CELF2: variants seen among roughly 807,000 people sequenced by gnomAD.
CELF2 encodes the protein CUG triplet repeat RNA-binding protein 2.
A neutral mutation model predicts 62.6 loss-of-function variants in CELF2; 8 were observed. The observed-to-expected ratio is 0.13, with a 90% CI of 0.07 to 0.23. The LOEUF is 0.23. Among genes scored for constraint, CELF2 ranks in the 10% least tolerant of loss-of-function variants. CELF2 has a pLI of 1.00. For synonymous variants in CELF2, 258 were observed against 250.0 expected (o/e 1.03, Z -0.30); for missense variants, 333 against 671.0 (o/e 0.50, Z 5.56).
chr10:10,773,944 A>G, the CELF2 span, among the ~76,000 whole-genome samples: 1 of 152,170 alleles, frequency 6.6e-6, no homozygotes. Flanking sequence ...CAGGTTCATC[A>G]TTATCCTCCC....
At chr10:11,198,008 A>G (rs531327536) in intron 2 of CELF2, among the ~76,000 whole-genome samples, 3 of 152,360 alleles carry the variant, frequency 2.0e-5, no homozygotes, top group East Asian at 1.9e-4. Flanking sequence ...ACCAGACCCC[A>G]TATAACTGTG....
intron 2 of CELF2, among the ~76,000 whole-genome samples, chr10:11,215,360 GTTGT>G (rs2063053790): frequency 6.6e-6 from 1 of 152,162 alleles, no homozygotes; most frequent in African/African-American, 2.4e-5. Context: ...TTATCTTAGC[GTTGT>G]TTAATTCTCT....
At chr10:10,859,166 T>A (rs1397070423) in intron 1 of CELF2, among the ~76,000 whole-genome samples, 1 of 152,184 alleles carries the variant, frequency 6.6e-6, no homozygotes, top group Admixed American at 6.5e-5. Context: ...GCTAATGATG[T>A]AATTGTAAAA....
Position 11,314,045 on chromosome 10 carries a change from T to C in CELF2, c.977-94T>C. 12 of 1,300,926 alleles carry C rather than the reference T, an allele frequency of 9.2e-6. No homozygotes were observed. The highest frequency in any genetic ancestry group is 1.2e-5 in the Non-Finnish European group (11 of 923,972). The allele number at this position is 1,300,926 out of a possible 1,614,324, so 80.6% of individuals were successfully genotyped here. On this transcript the variant is annotated intron_variant, in intron 9 of 12. Transcript: ENST00000633077. This position sits in a 1 kb window ranked among gnomAD's most constrained non-coding sequence, Gnocchi z 5.3. The stretch of plus-strand genomic sequence containing the variant: ...AAAGCCACAAGCACAGCTCCTCAGC[T>C]CCGTCCACTGAGATGATGACAGAAG...
chr10:11,221,552 G>C (rs2064891893), intron 3 of CELF2, among the ~76,000 whole-genome samples: 1 of 152,128 alleles, frequency 6.6e-6, no homozygotes, highest in Non-Finnish European at 1.5e-5. Flanking sequence ...AACACATATT[G>C]TCTCTGGTAA....
At chr10:10,971,966 G>A (rs2050801443) in intron 2 of CELF2, among the ~76,000 whole-genome samples, 1 of 152,084 alleles carries the variant, frequency 6.6e-6, no homozygotes, top group Non-Finnish European at 1.5e-5. Flanking sequence ...TATAATTAAG[G>A]TATACAACAT....
rs1049970408 is a variant in CELF2, at chr10:11,227,148, G to A, written c.354+9641G>A. ...AAGAGGCCGAGGTTGTGAAACAAAC[G>A]GAAACCTCAACCTGCCTGCCATCAT... is the stretch of plus-strand genomic sequence containing the variant. On this transcript the variant is annotated intron_variant, in intron 3 of 12. Transcript: ENST00000633077. This position sits in a 1 kb window ranked among gnomAD's most constrained non-coding sequence, Gnocchi z 4.8. Among the ~76,000 whole-genome samples, 7 of 152,184 alleles carry A rather than the reference G, an allele frequency of 4.6e-5. No homozygotes were observed. The highest frequency in any genetic ancestry group is 1.7e-4 in the African/African-American group (7 of 41,444).
intron 1 of CELF2, among the ~76,000 whole-genome samples, chr10:10,916,108 C>T (rs1315128350): frequency 1.3e-5 from 2 of 152,116 alleles, no homozygotes; most frequent in African/African-American, 4.8e-5. Context: ...TTATTTTCCT[C>T]AAGGGTTGCT....
At position 11,269,016 on chromosome 10, in the gene CELF2, T is replaced by C. The variant is rs556645414; in HGVS notation, c.619-1650T>C. Among the ~76,000 whole-genome samples the C allele has an allele frequency of 2.4e-3, 370 of 152,358 alleles. 2 individuals are homozygous for C. Among genetic ancestry groups the C allele is most frequent in the African/African-American group, 8.5e-3 (352 of 41,578 alleles). Reference sequence around the variant, plus strand: ...TTTTCTGCTTTTATATCATTTTTACTATTTAAGGAAGAAAAAAATAGATGT... The same window carrying C: ...TTTTCTGCTTTTATATCATTTTTACCATTTAAGGAAGAAAAAAATAGATGT... On this transcript the variant is annotated intron_variant, in intron 6 of 12. Coordinates refer to ENST00000633077, the MANE Select transcript of CELF2 (RefSeq NM_001326342.2). This position sits in a 1 kb window ranked among gnomAD's most constrained non-coding sequence, Gnocchi z 4.4.
intron 3 of CELF2, among the ~76,000 whole-genome samples, chr10:11,221,091 A>T (rs910399675): frequency 2.0e-5 from 3 of 152,222 alleles, no homozygotes; most frequent in Non-Finnish European, 4.4e-5. Flanking sequence ...CCTGAAGATA[A>T]CACTGTGAGT....
Position 11,318,837 on chromosome 10 carries a change from C to G in CELF2, c.1097-2352C>G, listed in dbSNP as rs1266356277. ...AAATGCCACCTGTGTATCTGGCACT[C>G]TGGAGAAGCCGAGTCGTGGAGGCTG... On this transcript the variant is annotated intron_variant, in intron 10 of 12. Transcript: ENST00000633077. The surrounding 1 kb of genome is among the most constrained non-coding windows in gnomAD (Gnocchi z 5.4). 1.3e-5 allele frequency: 6 copies of G among 471,154 alleles called. No individual in the cohort carries two copies. Among genetic ancestry groups the G allele is most frequent in the South Asian group, 7.7e-5 (5 of 64,574 alleles). The allele number at this position is 471,154 out of a possible 1,614,324, so 29.2% of individuals were successfully genotyped here.
At chr10:10,734,976 C>G in the CELF2 span, among the ~76,000 whole-genome samples, 4 of 152,180 alleles carry the variant, frequency 2.6e-5, no homozygotes, top group African/African-American at 9.6e-5. Flanking sequence ...ACTCAAGGTT[C>G]TTGCCAAATC....
chr10:10,849,642 C>T (rs2059252368), intron 1 of CELF2, among the ~76,000 whole-genome samples: 1 of 152,006 alleles, frequency 6.6e-6, no homozygotes, highest in African/African-American at 2.4e-5. Flanking sequence ...AACGACAGTA[C>T]AATTATCAAA....
At position 11,288,972 on chromosome 10, in the gene CELF2, C is replaced by G. The variant is rs78702221; in HGVS notation, c.976+420C>G. Among the ~76,000 whole-genome samples, 917 of 152,308 alleles carry G rather than the reference C, an allele frequency of 6.0e-3. 16 individuals carry two copies. Among genetic ancestry groups the G allele is most frequent in the East Asian group, 0.029 (152 of 5,192 alleles). Reference sequence around the variant, plus strand: ...ATTCCCATGTCACATTTCACAGCAACTCCATCCATCACATTTGATTTTAAA... The same window carrying G: ...ATTCCCATGTCACATTTCACAGCAAGTCCATCCATCACATTTGATTTTAAA... On this transcript the variant is annotated intron_variant, in intron 9 of 12. Coordinates refer to ENST00000633077, the MANE Select transcript of CELF2 (RefSeq NM_001326342.2).
intron 1 of CELF2, among the ~76,000 whole-genome samples, chr10:11,143,989 T>C (rs2132359557): frequency 6.6e-6 from 1 of 152,302 alleles, no homozygotes; most frequent in South Asian, 2.1e-4. Flanking sequence ...TGCCACTCAA[T>C]TGGCTGAGAA....
chr10:10,954,065 C>T (rs2048612866), intron 2 of CELF2, among the ~76,000 whole-genome samples: 2 of 151,788 alleles, frequency 1.3e-5, no homozygotes, highest in Admixed American at 6.6e-5. Flanking sequence ...CATCGTGATA[C>T]CACTTTTTGA....
the CELF2 span, among the ~76,000 whole-genome samples, chr10:10,620,627 G>A: frequency 6.6e-6 from 1 of 152,120 alleles, no homozygotes; most frequent in Non-Finnish European, 1.5e-5. Context: ...TAGAGGCAGG[G>A]CGTGGTGGCT....
rs760073283 is a variant in CELF2 at position 11,005,831 on chromosome 10, C to A, written c.53+391C>A. ...CATGGAATAATCACCGAAAAAGGAG[C>A]TGAGGAGACTCCATATTAGACTTGC... On this transcript the variant is annotated intron_variant, in intron 1 of 12. Coordinates refer to the CELF2 transcript ENST00000416382. The surrounding 1 kb of genome is among the most constrained non-coding windows in gnomAD (Gnocchi z 4.3). 2.0e-5 allele frequency among the ~76,000 whole-genome samples: 3 copies of A among 152,174 alleles called. No individual in the cohort carries two copies. The highest frequency in any genetic ancestry group is 4.4e-5 in the Non-Finnish European group (3 of 68,044).
At chr10:11,051,933 C>T (rs1435187198) in intron 1 of CELF2, among the ~76,000 whole-genome samples, 1 of 135,988 alleles carries the variant, frequency 7.4e-6, no homozygotes, top group Admixed American at 7.8e-5. Context: ...GACAGGGTCT[C>T]TGTGGCCCAG....
Sources: allele counts gnomAD v4.1 joint callset (sites outside exome capture counted in the v4.1 genomes callset), GRCh38; gene constraint gnomAD v4.1.1; non-coding constraint Gnocchi (gnomAD v3.1); transcripts MANE v1.5; gene names NCBI Gene and HGNC (gene_info 2026-07-23, HGNC 2026-07-21).